The following HTR1F variants were observed in gnomAD, a reference collection of about 807,000 sequenced individuals.
HTR1F encodes 5-hydroxytryptamine receptor 1F.
Under a neutral mutation model 24.0 loss-of-function variants are expected in HTR1F, and 17 were observed. That is an observed-to-expected ratio of 0.71 (90% CI 0.48 to 1.06). The LOEUF (loss-of-function observed/expected upper bound fraction) is 1.06. HTR1F is among the 50% of genes least tolerant of loss of function. HTR1F has a pLI of 0.00. For synonymous variants in HTR1F, 186 were observed against 156.8 expected, an observed-to-expected ratio of 1.19 and a Z score of -1.39; for missense variants, 391 against 427.8, an observed-to-expected ratio of 0.91 and a Z score of 0.76.
intron 2 of HTR1F, among the ~76,000 whole-genome samples, chr3:87,960,398 C>G (rs1327565139): frequency 6.6e-6 from 1 of 151,894 alleles, no homozygotes; most frequent in African/African-American, 2.4e-5. Flanking sequence ...GACAGTAATT[C>G]TCAAAACTGA....
intron 2 of HTR1F, among the ~76,000 whole-genome samples, chr3:87,971,000 C>G (rs1351040485): frequency 6.6e-6 from 1 of 152,158 alleles, no homozygotes; most frequent in Non-Finnish European, 1.5e-5. Context: ...TTCCTCTTAC[C>G]TTCATGATCC....
Position 87,961,802 on chromosome 3 carries a change from T to TA in HTR1F, c.-42-28893dup, listed in dbSNP as rs5850819. Among the ~76,000 whole-genome samples, 69 of 142,820 alleles carry TA rather than the reference T, an allele frequency of 4.8e-4. 1 individual carries two copies. Among genetic ancestry groups the TA allele is most frequent in the East Asian group, 2.5e-3 (12 of 4,822 alleles). 93.7% of individuals were successfully genotyped at this position (142,820 alleles called of 152,430 possible). A position where few individuals can be genotyped will look rare whatever the true frequency, so the allele number is the denominator to read the frequency against. ...AGTATAAAAGAGAGGTAATAAGATC[T>TA]AAAAAAAAAAAAAGAATAAAAGGTT... On this transcript the variant is annotated intron_variant, in intron 2 of 2. Transcript: ENST00000319595.
In HTR1F at chr3:87,837,863, T is replaced by C. The variant is rs529629007; in HGVS notation, c.-43+15739T>C. 4.9e-4 allele frequency among the ~76,000 whole-genome samples: 75 copies of C among 152,168 alleles called. No homozygotes were observed. The Middle Eastern group carries it at 0.027, about 55-fold the overall frequency. The stretch of plus-strand genomic sequence containing the variant: ...AGACAATAAAATATTATTGTTACAG[T>C]ATAATTATTATTGAAAAATATTTTA... On this transcript the variant is annotated intron_variant, in intron 2 of 2. Transcript: ENST00000319595.
At chr3:87,978,021 G>A (rs1235960353) in intron 2 of HTR1F, among the ~76,000 whole-genome samples, 3 of 152,228 alleles carry the variant, frequency 2.0e-5, no homozygotes, top group Non-Finnish European at 4.4e-5. Flanking sequence ...GAGTGAGTGA[G>A]TGCAGGGTCC....
chr3:87,905,706 G>A (rs1703651370), intron 2 of HTR1F, among the ~76,000 whole-genome samples: 1 of 150,094 alleles, frequency 6.7e-6, no homozygotes, highest in Admixed American at 6.6e-5. Flanking sequence ...GGACTCAAAG[G>A]TGTAACCTTC....
At position 87,990,863 on chromosome 3, in the gene HTR1F, A is replaced by T. The variant is rs1576129623; in HGVS notation, c.114A>T (p.Thr38=). 6.2e-7 allele frequency: 1 copy of T among 1,614,214 alleles called. No individual in the cohort carries two copies. The highest frequency in any genetic ancestry group is 2.2e-5 in the East Asian group (1 of 44,886). Reference sequence around the variant, plus strand: ...TGTCTGGGCTGGCACTGATGACAACAACTATCAACTCCCTTGTGATCGCTG... The same window carrying T: ...TGTCTGGGCTGGCACTGATGACAACTACTATCAACTCCCTTGTGATCGCTG... The part of the protein sequence containing the change: ...LTLSGLALMT[T]TINSLVIAAI... The change falls in exon 3 of 3, where the codon ACA becomes ACT. Residue 38 remains threonine, a synonymous_variant. Coordinates refer to ENST00000319595, the MANE Select transcript of HTR1F (RefSeq NM_001322209.2).
At chr3:87,889,082 G>C (rs1706022036) in intron 2 of HTR1F, among the ~76,000 whole-genome samples, 1 of 152,158 alleles carries the variant, frequency 6.6e-6, no homozygotes, top group African/African-American at 2.4e-5. Context: ...TTGTTATAAA[G>C]AGCCTGGCAT....
chr3:87,795,420 G>A (rs902532963), intron 1 of HTR1F, among the ~76,000 whole-genome samples: 1 of 152,194 alleles, frequency 6.6e-6, no homozygotes, highest in Non-Finnish European at 1.5e-5. Context: ...TAGTACGTTA[G>A]TAATAACTGG....
At chr3:87,914,735 C>G (rs529557275) in intron 2 of HTR1F, among the ~76,000 whole-genome samples, 4 of 152,130 alleles carry the variant, frequency 2.6e-5, no homozygotes, top group African/African-American at 9.6e-5. Context: ...GCCCTGCCCC[C>G]ACCTGATGCG....
intron 2 of HTR1F, among the ~76,000 whole-genome samples, chr3:87,842,451 C>T (rs1455435309): frequency 5.3e-5 from 8 of 151,844 alleles, no homozygotes; most frequent in East Asian, 1.9e-4. Context: ...TGTGAGCCAC[C>T]GCACCCGGCC....
chr3:87,971,488 A>C (rs956594120), intron 2 of HTR1F, among the ~76,000 whole-genome samples: 1 of 152,106 alleles, frequency 6.6e-6, no homozygotes, highest in South Asian at 2.1e-4. Flanking sequence ...GAGCCCAGGA[A>C]GTTGACTCTG....
intron 2 of HTR1F, among the ~76,000 whole-genome samples, chr3:87,935,143 C>G (rs1303361844): frequency 2.6e-5 from 4 of 152,202 alleles, no homozygotes; most frequent in Non-Finnish European, 5.9e-5. Flanking sequence ...GCTGGGATTA[C>G]AGGTGTGAAC....
chr3:87,971,690 G>T (rs7653582), intron 2 of HTR1F, among the ~76,000 whole-genome samples: 17,116 of 152,202 alleles, frequency 0.11, 1,277 homozygotes, highest in East Asian at 0.25. Context: ...CACCTCTTGT[G>T]TATCTTTCTA....
chr3:87,932,312 T>C (rs1162445625), intron 2 of HTR1F, among the ~76,000 whole-genome samples: 4 of 152,050 alleles, frequency 2.6e-5, no homozygotes, highest in Non-Finnish European at 4.4e-5. Flanking sequence ...ATCCTTTCCC[T>C]ATTTCTTGTT....
intron 1 of HTR1F, among the ~76,000 whole-genome samples, chr3:87,808,400 A>G (rs1011843266): frequency 4.6e-5 from 7 of 151,654 alleles, no homozygotes; most frequent in African/African-American, 1.7e-4. Context: ...TAATTTTTTA[A>G]TGTATAGTTG....
chr3:87,873,908 A>G (rs1292932194), intron 2 of HTR1F, among the ~76,000 whole-genome samples: 1 of 152,196 alleles, frequency 6.6e-6, no homozygotes, highest in Non-Finnish European at 1.5e-5. Flanking sequence ...CAGAAAATGT[A>G]CATGACAAAA....
chr3:87,901,449 C>A (rs780607231), intron 2 of HTR1F, among the ~76,000 whole-genome samples: 2 of 152,102 alleles, frequency 1.3e-5, no homozygotes, highest in Admixed American at 6.6e-5. Context: ...ACCATGCTGA[C>A]ACCTTGATCT....
At chr3:87,989,157 G>T (rs1480007123) in intron 2 of HTR1F, among the ~76,000 whole-genome samples, 5 of 152,234 alleles carry the variant, frequency 3.3e-5, no homozygotes, top group Admixed American at 6.5e-5. Context: ...ATTTATCAAA[G>T]ATATTAATTC....
At chr3:87,888,732 C>T (rs1267988169) in intron 2 of HTR1F, among the ~76,000 whole-genome samples, 2 of 152,068 alleles carry the variant, frequency 1.3e-5, no homozygotes, top group Non-Finnish European at 2.9e-5. Flanking sequence ...ACTGACTGAC[C>T]TTATATGTAA....
Sources: allele counts gnomAD v4.1 joint callset (sites outside exome capture counted in the v4.1 genomes callset), GRCh38; gene constraint gnomAD v4.1.1; transcripts MANE v1.5; gene names NCBI Gene and HGNC (gene_info 2026-07-23, HGNC 2026-07-21).